BFSP2: variants seen among roughly 807,000 people sequenced by gnomAD.
The protein encoded by BFSP2 is beaded filament structural protein 2, also known as phakinin.
BFSP2 carries 38 observed loss-of-function variants against 44.9 expected under a neutral mutation model. The ratio of observed to expected loss-of-function variants is 0.85; its 90% confidence interval spans 0.65 to 1.11. BFSP2 has a LOEUF of 1.11. BFSP2 is among the 50% of genes least tolerant of loss of function. BFSP2 has a pLI of 0.00. For missense variants in BFSP2, 525 were observed against 533.0 expected, an observed-to-expected ratio of 0.99 and a Z score of 0.15; for synonymous variants, 197 against 209.9, an observed-to-expected ratio of 0.94 and a Z score of 0.53.
chr3:133,439,266 A>T (rs1013661320), intron 1 of BFSP2, among the ~76,000 whole-genome samples: 1 of 152,320 alleles, frequency 6.6e-6, no homozygotes, highest in East Asian at 1.9e-4. Context: ...CAGGCATCTT[A>T]TATTTGTTCT....
intron 1 of BFSP2, among the ~76,000 whole-genome samples, chr3:133,405,407 A>G (rs2073395925): frequency 6.6e-6 from 1 of 152,166 alleles, no homozygotes; most frequent in South Asian, 2.1e-4. Context: ...TGTCCCTTGC[A>G]CAGAGACAGC....
intron 1 of BFSP2, among the ~76,000 whole-genome samples, chr3:133,434,008 G>A (rs1222596519): frequency 2.6e-5 from 4 of 152,016 alleles, no homozygotes; most frequent in Non-Finnish European, 5.9e-5. Context: ...CCTATTCACC[G>A]TTCTCAACTA....
intron 1 of BFSP2, among the ~76,000 whole-genome samples, chr3:133,425,957 G>A (rs1337977557): frequency 5.6e-4 from 5 of 8,998 alleles, no homozygotes; most frequent in Non-Finnish European, 1.1e-3. Context: ...AGGGGAGGGG[G>A]AGGGGGAGGG....
At chr3:133,430,585 C>G (rs1033883473) in intron 1 of BFSP2, among the ~76,000 whole-genome samples, 1 of 152,134 alleles carries the variant, frequency 6.6e-6, no homozygotes, top group African/African-American at 2.4e-5. Context: ...ATTTTTCCAC[C>G]CTACAAGATC....
intron 6 of BFSP2, among the ~76,000 whole-genome samples, chr3:133,473,603 C>CGGCCT: frequency 6.6e-6 from 1 of 151,112 alleles, no homozygotes; most frequent in South Asian, 2.1e-4. Context: ...GAGGACCCTG[C>CGGCCT]GGCCTTCCGC....
Position 133,400,554 on chromosome 3 carries a change from GGCCAGCAGCT to G in BFSP2, c.480_489del (p.Ser160ArgfsTer56). 1 of 1,608,154 alleles carries G rather than the reference GGCCAGCAGCT, an allele frequency of 6.2e-7. No individual in the cohort carries two copies. Among genetic ancestry groups the G allele is most frequent in the Non-Finnish European group, 8.5e-7 (1 of 1,177,332 alleles). On this transcript the variant is annotated frameshift_variant, in exon 1 of 7. Coordinates refer to ENST00000302334, the MANE Select transcript of BFSP2 (RefSeq NM_003571.4). LOFTEE classifies it high-confidence loss of function. This position sits in a 1 kb window ranked among gnomAD's most constrained non-coding sequence, Gnocchi z 4.0. ...ACTGGGGTGCCCTACGGGCTTCCTG[GGCCAGCAGCT>G]GCCAGCAGGTAAGTGTCCAGGCTGT...
chr3:133,403,365 C>T (rs540982004), intron 1 of BFSP2, among the ~76,000 whole-genome samples: 1 of 152,184 alleles, frequency 6.6e-6, no homozygotes, highest in Non-Finnish European at 1.5e-5. Context: ...TCTTCCCCCC[C>T]TTGTCCACAG....
At chr3:133,462,036 G>C (rs6790868) in intron 4 of BFSP2, among the ~76,000 whole-genome samples, 1 of 144,472 alleles carries the variant, frequency 6.9e-6, no homozygotes, top group African/African-American at 2.6e-5. Context: ...TTTCTGCAGC[G>C]ATCTAGAATT....
intron 1 of BFSP2, among the ~76,000 whole-genome samples, chr3:133,404,546 G>T (rs2107874974): frequency 6.6e-6 from 1 of 152,316 alleles, no homozygotes; most frequent in East Asian, 1.9e-4. Context: ...CATTGGTGGG[G>T]TATGCACATG....
intron 1 of BFSP2, among the ~76,000 whole-genome samples, chr3:133,430,485 T>C (rs1363217779): frequency 6.6e-6 from 1 of 152,172 alleles, no homozygotes; most frequent in Non-Finnish European, 1.5e-5. Context: ...GTGGTTTTGA[T>C]TTGCATTTCT....
Position 133,446,055 on chromosome 3 carries a change from C to T in BFSP2, c.490-1262C>T, listed in dbSNP as rs139583295. On this transcript the variant is annotated intron_variant, in intron 1 of 6. Transcript: ENST00000302334. ...ATTAAGAACTGGGAAAGGGAGACACCCTAGTCTGCCTGCTCCCCAGTGTGC... is the reference window on the plus strand; with the variant it reads ...ATTAAGAACTGGGAAAGGGAGACACTCTAGTCTGCCTGCTCCCCAGTGTGC... Among the ~76,000 whole-genome samples the T allele has an allele frequency of 7.6e-3, 1,149 of 152,174 alleles. 2 individuals are homozygous for T. The highest frequency in any genetic ancestry group is 0.011 in the Non-Finnish European group (726 of 68,000).
At position 133,410,560 on chromosome 3, in the gene BFSP2, G is replaced by T; in HGVS notation, c.489+9988G>T. 4 of 277,404 alleles carry T rather than the reference G, an allele frequency of 1.4e-5. 1 individual carries two copies. The South Asian group carries it at 1.4e-4, about 10-fold the overall frequency. The allele number at this position is 277,404 out of a possible 1,614,324, so 17.2% of individuals were successfully genotyped here. A position where few individuals can be genotyped will look rare whatever the true frequency, so the allele number is the denominator to read the frequency against. On this transcript the variant is annotated intron_variant, in intron 1 of 6. Coordinates refer to ENST00000302334, the MANE Select transcript of BFSP2 (RefSeq NM_003571.4). ...TCACCTGGGGACCCTAATGCAAACG[G>T]GGATTCTCCCTCTCACGTATCTTTT...
chr3:133,428,339 G>T (rs182895139), intron 1 of BFSP2, among the ~76,000 whole-genome samples: 3 of 151,956 alleles, frequency 2.0e-5, no homozygotes, highest in African/African-American at 7.3e-5. Context: ...AAGCCAGGGC[G>T]CTGGGCTTTC....
intron 1 of BFSP2, among the ~76,000 whole-genome samples, chr3:133,443,906 G>A (rs2073869420): frequency 1.3e-5 from 2 of 152,028 alleles, no homozygotes; most frequent in South Asian, 4.1e-4. Flanking sequence ...AACGCTGCTT[G>A]TATTTGCCTT....
At chr3:133,402,186 C>T (rs373303437) in intron 1 of BFSP2, among the ~76,000 whole-genome samples, 1 of 152,200 alleles carries the variant, frequency 6.6e-6, no homozygotes, top group East Asian at 1.9e-4. Context: ...GCCACACAGA[C>T]TTGTCAGGAG....
intron 1 of BFSP2, among the ~76,000 whole-genome samples, chr3:133,432,483 A>C (rs2073732931): frequency 6.6e-6 from 1 of 152,146 alleles, no homozygotes; most frequent in Non-Finnish European, 1.5e-5. Flanking sequence ...TGCTGCCACA[A>C]GGTTTCAGGG....
At chr3:133,416,549 A>G (rs1284252607) in intron 1 of BFSP2, among the ~76,000 whole-genome samples, 9 of 83,712 alleles carry the variant, frequency 1.1e-4, no homozygotes, top group Admixed American at 3.8e-4. Flanking sequence ...ATCCCTCTAT[A>G]CACCCTGCCA....
chr3:133,433,521 AAG>A (rs2073749148), intron 1 of BFSP2, among the ~76,000 whole-genome samples: 2 of 152,152 alleles, frequency 1.3e-5, no homozygotes, highest in African/African-American at 4.8e-5. Context: ...GCTTTACTCA[AAG>A]CCCCGAGTCA....
intron 4 of BFSP2, among the ~76,000 whole-genome samples, chr3:133,454,522 C>G (rs915532621): frequency 6.6e-6 from 1 of 152,158 alleles, no homozygotes; most frequent in Admixed American, 6.5e-5. Context: ...ATAAGACAGC[C>G]CTCACTTCAG....
Sources: allele counts gnomAD v4.1 joint callset (sites outside exome capture counted in the v4.1 genomes callset), GRCh38; gene constraint gnomAD v4.1.1; non-coding constraint Gnocchi (gnomAD v3.1); transcripts MANE v1.5; gene names NCBI Gene and HGNC (gene_info 2026-07-23, HGNC 2026-07-21).